The following CORIN variants were observed in gnomAD, a reference collection of about 807,000 sequenced individuals.
CORIN encodes the protein corin, serine peptidase.
CORIN carries 117 observed loss-of-function variants against 125.3 expected under a neutral mutation model. That is an observed-to-expected ratio of 0.93 (90% confidence interval 0.80 to 1.09). The LOEUF (loss-of-function observed/expected upper bound fraction) is 1.09. CORIN is among the 50% of genes least tolerant of loss of function. The pLI, the probability that CORIN is intolerant of heterozygous loss-of-function variation, is 0.00. For synonymous variants in CORIN, 450 were observed against 466.4 expected (o/e 0.96, Z 0.45); for missense variants, 1,253 against 1,306.7 (o/e 0.96, Z 0.63).
intron 19 of CORIN, 69 bp downstream of exon 19, chr4:47,623,502 C>G (rs1722421618): frequency 6.6e-7 from 1 of 1,513,842 alleles, no homozygotes; most frequent in African/African-American, 1.4e-5. Flanking sequence ...GTTACATATG[C>G]CACTGAGAAT....
rs1395403163 is a variant in CORIN, at chr4:47,755,952, A to T, written c.617+7427T>A. ...CATTTATTCCTTTACTCAGCTATTTAATGAGCACCTGCTATGTGTTGGGCA... is the reference window on the plus strand; with the variant it reads ...CATTTATTCCTTTACTCAGCTATTTTATGAGCACCTGCTATGTGTTGGGCA... On this transcript the variant is annotated intron_variant, in intron 4 of 21. Transcript: ENST00000273857. Among the ~76,000 whole-genome samples, 8 of 152,246 alleles carry T rather than the reference A, an allele frequency of 5.3e-5. No homozygotes were observed. The East Asian group carries it at 1.5e-3, about 29-fold the overall frequency.
At chr4:47,765,861 T>C in intron 3 of CORIN, among the ~76,000 whole-genome samples, 1 of 152,192 alleles carries the variant, frequency 6.6e-6, no homozygotes, top group Non-Finnish European at 1.5e-5. Flanking sequence ...TTTAGGGGTG[T>C]TTTTTCTACT....
intron 4 of CORIN, among the ~76,000 whole-genome samples, chr4:47,745,840 TA>T (rs1429304110): frequency 1.6e-4 from 24 of 152,116 alleles, no homozygotes; most frequent in Non-Finnish European, 5.9e-5. Context: ...TCTTTGTACA[TA>T]AAAATGGAAA....
At chr4:47,661,982 G>T (rs1395847313) in intron 11 of CORIN, 126 bp from the exon 12 acceptor site, 9 of 864,978 alleles carry the variant, frequency 1.0e-5, no homozygotes, top group Non-Finnish European at 1.5e-5. Flanking sequence ...GGATATAAAA[G>T]ATGCACATAT....
In CORIN at chr4:47,832,419, T is replaced by TTTTC. The variant is rs1392224052; in HGVS notation, c.63+5464_63+5467dup. On this transcript the variant is annotated intron_variant, in intron 1 of 21. Transcript: ENST00000273857. ...CTTTACAGGAAAACTTTTTCTTTTC[T>TTTTC]TTTCTTTCTTTCTTTCTTTTCTTTT... Among the ~76,000 whole-genome samples the TTTTC allele has an allele frequency of 2.0e-4, 30 of 151,210 alleles. No homozygotes were observed. The East Asian group carries it at 5.0e-3, about 25-fold the overall frequency.
chr4:47,822,918 C>T (rs1213434209), intron 1 of CORIN, among the ~76,000 whole-genome samples: 2 of 151,724 alleles, frequency 1.3e-5, no homozygotes, highest in East Asian at 1.9e-4. Flanking sequence ...CGGGTTCAAG[C>T]GATTCTCCTG....
chr4:47,647,527 A>G (rs1037400645), intron 13 of CORIN, among the ~76,000 whole-genome samples: 14 of 152,188 alleles, frequency 9.2e-5, no homozygotes, highest in Admixed American at 1.3e-4. Context: ...TAATAATAAT[A>G]ATGATGATAA....
intron 19 of CORIN, among the ~76,000 whole-genome samples, chr4:47,607,299 T>C (rs906041782): frequency 6.6e-5 from 10 of 151,894 alleles, no homozygotes; most frequent in Non-Finnish European, 1.5e-4. Context: ...TCCCAGCTAT[T>C]TGGGAGGCTG....
At chr4:47,660,168 C>A (rs556715133) in intron 12 of CORIN, among the ~76,000 whole-genome samples, 1 of 152,280 alleles carries the variant, frequency 6.6e-6, no homozygotes, top group Admixed American at 6.5e-5. Context: ...CTATCTCTCA[C>A]CACATACAAA....
chr4:47,784,818 T>G (rs1024934255), intron 3 of CORIN, among the ~76,000 whole-genome samples: 1 of 152,180 alleles, frequency 6.6e-6, no homozygotes, highest in Non-Finnish European at 1.5e-5. Context: ...AAAAATACTG[T>G]CAGGTAATGA....
chr4:47,770,661 T>C (rs777698800), intron 3 of CORIN, among the ~76,000 whole-genome samples: 2 of 152,160 alleles, frequency 1.3e-5, no homozygotes, highest in African/African-American at 4.8e-5. Context: ...AAAGAACATG[T>C]AGTATATACA....
At chr4:47,764,011 C>A (rs1306432616) in intron 3 of CORIN, among the ~76,000 whole-genome samples, 1 of 152,056 alleles carries the variant, frequency 6.6e-6, no homozygotes, top group Non-Finnish European at 1.5e-5. Flanking sequence ...CTACGGGGAT[C>A]TTGATCTTTG....
chr4:47,609,568 T>C (rs1478616760), intron 19 of CORIN, among the ~76,000 whole-genome samples: 3 of 149,630 alleles, frequency 2.0e-5, no homozygotes, highest in African/African-American at 2.5e-5. Flanking sequence ...AAATTATCTG[T>C]AACAGGCAAG....
At chr4:47,629,032 T>G (rs1345418755) in intron 16 of CORIN, among the ~76,000 whole-genome samples, 1 of 152,168 alleles carries the variant, frequency 6.6e-6, no homozygotes, top group Non-Finnish European at 1.5e-5. Flanking sequence ...TTTGAGATAA[T>G]TATTTCCTTT....
chr4:47,698,438 G>C (rs891296187), intron 5 of CORIN, among the ~76,000 whole-genome samples: 1 of 151,806 alleles, frequency 6.6e-6, no homozygotes, highest in African/African-American at 2.4e-5. Context: ...GTCAGGATCA[G>C]CAAAAAGACC....
In CORIN at chr4:47,643,254, A is replaced by C; in HGVS notation, c.1960T>G (p.Phe654Val). The change falls in exon 15 of 22, where the codon TTT becomes GTT. Residue 654 changes from phenylalanine to valine, a missense_variant and splice_region_variant. Physicochemically the swap from Phe to Val is conservative, Grantham distance 50 (BLOSUM62 -1). Transcript: ENST00000273857. Reference protein sequence around the residue: ...PDYMDEKNCSFCQDDELECAN... With the variant: ...PDYMDEKNCSVCQDDELECAN... ...CATTCCAGCTCATCATCTTGGCAAA[A>C]TGCTGGCATGGGGAACAAAAAGTGA... 1 of 1,595,306 alleles carries C rather than the reference A, an allele frequency of 6.3e-7. No homozygotes were observed.
rs1008802951 is a variant in CORIN at position 47,693,569 on chromosome 4, CAT to C, written c.800-488_800-487del. ...AATAACCATTTACTGTGTGTTTGAA[CAT>C]AGCATAGAGACCCAGTGCCCTGTAT... On this transcript the variant is annotated intron_variant, in intron 5 of 21. Transcript: ENST00000273857. 8.7e-4 allele frequency among the ~76,000 whole-genome samples: 132 copies of C among 152,200 alleles called. 2 individuals are homozygous for C. Among genetic ancestry groups the C allele is most frequent in the Middle Eastern group, 3.4e-3 (1 of 294 alleles).
intron 2 of CORIN, among the ~76,000 whole-genome samples, chr4:47,789,060 TG>T (rs1348097072): frequency 6.6e-6 from 1 of 152,200 alleles, no homozygotes. Context: ...CCCAGCACTT[TG>T]GGAGGCCGAG....
At chr4:47,737,444 T>G (rs932108414) in intron 5 of CORIN, among the ~76,000 whole-genome samples, 1 of 152,140 alleles carries the variant, frequency 6.6e-6, no homozygotes, top group East Asian at 1.9e-4. Flanking sequence ...CCTCACTCAG[T>G]GGCACACTCT....
Sources: allele counts gnomAD v4.1 joint callset (sites outside exome capture counted in the v4.1 genomes callset), GRCh38; gene constraint gnomAD v4.1.1; transcripts MANE v1.5; gene names NCBI Gene and HGNC (gene_info 2026-07-23, HGNC 2026-07-21).